The following UNC13C variants were observed in gnomAD, a reference collection of about 807,000 sequenced individuals.
The protein encoded by UNC13C is protein unc-13 homolog C.
UNC13C carries 174 observed loss-of-function variants against 245.4 expected under a neutral mutation model. That is an observed-to-expected ratio of 0.71 (90% CI 0.63 to 0.80). The LOEUF (loss-of-function observed/expected upper bound fraction) is 0.80, where lower values mean the gene tolerates loss of function less well. UNC13C is among the 30% of genes least tolerant of loss of function. The pLI, the probability that UNC13C is intolerant of heterozygous loss-of-function variation, is 0.00. For synonymous variants in UNC13C, 992 were observed against 895.1 expected (o/e 1.11, Z -1.93); for missense variants, 2,829 against 2,602.9 (o/e 1.09, Z -1.89).
chr15:53,954,050 C>A, the UNC13C span, among the ~76,000 whole-genome samples: 2 of 152,208 alleles, frequency 1.3e-5, no homozygotes, highest in African/African-American at 4.8e-5. Flanking sequence ...TTATCTTTGT[C>A]TCCTTTCTTT....
chr15:54,076,376 G>T (rs1898625619), intron 2 of UNC13C, among the ~76,000 whole-genome samples: 1 of 149,248 alleles, frequency 6.7e-6, no homozygotes, highest in African/African-American at 2.5e-5. Context: ...TTTTGTTCTT[G>T]CGATAGTTTA....
At chr15:53,988,392 G>C (rs1757575432) in intron 1 of UNC13C, among the ~76,000 whole-genome samples, 1 of 151,786 alleles carries the variant, frequency 6.6e-6, no homozygotes, top group South Asian at 2.1e-4. Context: ...ATGCTTATGG[G>C]ACATAAAAAA....
chr15:54,299,398 A>G (rs2037518026), intron 12 of UNC13C, among the ~76,000 whole-genome samples: 1 of 152,140 alleles, frequency 6.6e-6, no homozygotes, highest in Admixed American at 6.6e-5. Context: ...TTGCAGCCCA[A>G]ATCCTTTAGT....
At chr15:54,280,042 G>A (rs1316698875) in intron 10 of UNC13C, among the ~76,000 whole-genome samples, 2 of 152,164 alleles carry the variant, frequency 1.3e-5, no homozygotes, top group African/African-American at 4.8e-5. Flanking sequence ...AGTAATGTGT[G>A]TGTATACAGA....
At chr15:54,149,552 A>G (rs986530237) in intron 4 of UNC13C, among the ~76,000 whole-genome samples, 5 of 152,198 alleles carry the variant, frequency 3.3e-5, no homozygotes, top group African/African-American at 1.2e-4. Flanking sequence ...CCTTTTACTT[A>G]GGCAATTGCA....
upstream of UNC13C, among the ~76,000 whole-genome samples, chr15:53,973,419 C>A (rs2140936688): frequency 6.6e-6 from 1 of 151,956 alleles, no homozygotes; most frequent in South Asian, 2.1e-4. Context: ...TACATTTATA[C>A]CTATTTTGCA....
Position 54,129,739 on chromosome 15 carries a change from C to G in UNC13C, c.2984-13279C>G, listed in dbSNP as rs141882018. On this transcript the variant is annotated intron_variant, in intron 2 of 32. Coordinates refer to ENST00000260323, the MANE Select transcript of UNC13C (RefSeq NM_001080534.3). ...GAACTTTTCAAAATCTTTACTGTAC[C>G]TTTAACTATATCCTCTTACATAATA... 8.0e-3 allele frequency among the ~76,000 whole-genome samples: 1,216 copies of G among 151,380 alleles called. 19 individuals are homozygous for G. Among genetic ancestry groups the G allele is most frequent in the African/African-American group, 0.028 (1,166 of 41,486 alleles).
At chr15:54,557,289 T>G (rs1217617221) in intron 29 of UNC13C, among the ~76,000 whole-genome samples, 1 of 151,884 alleles carries the variant, frequency 6.6e-6, no homozygotes, top group South Asian at 2.1e-4. Flanking sequence ...TGATGCCAAC[T>G]CTTTCTCTAG....
chr15:54,038,124 A>ATATAAAAATTTTTTTTTTTTTTTTTT lies in UNC13C; in HGVS notation c.2983+22239_2983+22240insATAAAAATTTTTTTTTTTTTTTTTTT. Among the ~76,000 whole-genome samples the ATATAAAAATTTTTTTTTTTTTTTTTT allele has an allele frequency of 1.5e-3, 66 of 45,022 alleles. 3 individuals are homozygous for ATATAAAAATTTTTTTTTTTTTTTTTT. The highest frequency in any genetic ancestry group is 6.4e-3 in the African/African-American group (60 of 9,440). 29.5% of individuals were successfully genotyped at this position (45,022 alleles called of 152,430 possible). On this transcript the variant is annotated intron_variant, in intron 2 of 32. Coordinates refer to ENST00000260323, the MANE Select transcript of UNC13C (RefSeq NM_001080534.3). ...CATATATATATATATATATATATAT[A>ATATAAAAATTTTTTTTTTTTTTTTTT]TTTTTTTTTTTTTTTTCCTGAGACA...
chr15:54,480,501 T>C (rs991470698), intron 19 of UNC13C, among the ~76,000 whole-genome samples: 1 of 151,544 alleles, frequency 6.6e-6, no homozygotes, highest in Non-Finnish European at 1.5e-5. Context: ...TGCTTGACCT[T>C]CTCTATTGTT....
intron 1 of UNC13C, among the ~76,000 whole-genome samples, chr15:54,002,333 G>A (rs908985359): frequency 6.6e-6 from 1 of 151,836 alleles, no homozygotes; most frequent in Non-Finnish European, 1.5e-5. Context: ...CTAACTGTAT[G>A]TTTGAGTAAG....
the UNC13C span, among the ~76,000 whole-genome samples, chr15:53,950,531 A>T: frequency 1.3e-5 from 2 of 151,788 alleles, no homozygotes; most frequent in Non-Finnish European, 2.9e-5. Flanking sequence ...ATAATTTCTC[A>T]TCTCTAACAA....
upstream of UNC13C, among the ~76,000 whole-genome samples, chr15:53,978,394 C>T (rs920766070): frequency 6.6e-6 from 1 of 152,134 alleles, no homozygotes; most frequent in East Asian, 1.9e-4. Flanking sequence ...GGAGCCCGGG[C>T]GCTCTCGGTG....
chr15:54,314,718 G>A (rs780926386), intron 13 of UNC13C, among the ~76,000 whole-genome samples: 1 of 151,800 alleles, frequency 6.6e-6, no homozygotes, highest in African/African-American at 2.4e-5. Flanking sequence ...AGGTTACCTA[G>A]TTTACTTGGT....
chr15:54,220,206 A>G (rs1265365088), intron 4 of UNC13C, among the ~76,000 whole-genome samples: 2 of 151,072 alleles, frequency 1.3e-5, no homozygotes, highest in Non-Finnish European at 3.0e-5. Flanking sequence ...CAAATGTCTA[A>G]CAATGATAGA....
the UNC13C span, among the ~76,000 whole-genome samples, chr15:53,847,366 T>C: frequency 6.6e-6 from 1 of 151,940 alleles, no homozygotes; most frequent in South Asian, 2.1e-4. Context: ...TATTTTTTTT[T>C]TTTTTCTGAG....
At chr15:54,570,044 C>T (rs1384540165) in intron 30 of UNC13C, among the ~76,000 whole-genome samples, 1 of 152,052 alleles carries the variant, frequency 6.6e-6, no homozygotes, top group Non-Finnish European at 1.5e-5. Context: ...CTCTATTCCT[C>T]AGTGTTTTGG....
chr15:53,945,733 T>A, the UNC13C span, among the ~76,000 whole-genome samples: 1 of 152,180 alleles, frequency 6.6e-6, no homozygotes, highest in Non-Finnish European at 1.5e-5. Context: ...TTGAGCTTTT[T>A]TTTTGGTTCC....
intron 30 of UNC13C, among the ~76,000 whole-genome samples, chr15:54,572,654 G>A (rs1897807915): frequency 6.6e-6 from 1 of 151,950 alleles, no homozygotes; most frequent in South Asian, 2.1e-4. Flanking sequence ...TCAAACTCCT[G>A]ACCCCAGGTG....
Sources: gnomAD v4.1 joint callset for allele counts (sites outside exome capture counted in the v4.1 genomes callset) on GRCh38, gnomAD v4.1.1 for gene constraint, MANE v1.5 for transcripts, NCBI Gene and HGNC (gene_info 2026-07-23, HGNC 2026-07-21) for gene names.